The following CACNA1E variants were observed in gnomAD, a reference collection of about 807,000 sequenced individuals.
CACNA1E encodes calcium voltage-gated channel subunit alpha1 E.
A neutral mutation model predicts 259.2 loss-of-function variants in CACNA1E; 40 were observed. The observed-to-expected ratio is 0.15, with a 90% confidence interval of 0.12 to 0.20. The LOEUF is 0.20. Ranked by LOEUF, CACNA1E falls within the 10% of genes least tolerant of loss-of-function variation. The pLI, the probability that CACNA1E is intolerant of heterozygous loss-of-function variation, is 1.00. For missense variants in CACNA1E, 1,874 were observed against 3,040.1 expected (o/e 0.62, Z 9.02); for synonymous variants, 1,104 against 1,138.5 (o/e 0.97, Z 0.61).
chr1:181,360,365 G>C (rs1010219182), intron 1 of CACNA1E, among the ~76,000 whole-genome samples: 1 of 152,130 alleles, frequency 6.6e-6, no homozygotes, highest in Non-Finnish European at 1.5e-5. Context: ...ATTAGCTGAT[G>C]AATGGATAAA....
In CACNA1E at chr1:181,797,488, C is replaced by T. The variant is rs147753885; in HGVS notation, c.6399+630C>T. ...GAAAAGGCAGGGCTGCTAATGCAAA[C>T]CTTTAGAGACACAGCAGTCGAGAGG... On this transcript the variant is annotated intron_variant, in intron 47 of 47. Coordinates refer to ENST00000367573, the MANE Select transcript of CACNA1E (RefSeq NM_001205293.3). Among the ~76,000 whole-genome samples the T allele has an allele frequency of 5.4e-3, 827 of 152,296 alleles. 16 individuals carry two copies. Among genetic ancestry groups the T allele is most frequent in the African/African-American group, 0.019 (792 of 41,568 alleles).
At chr1:181,580,828 A>G in intron 6 of CACNA1E, 52 bp downstream of exon 6, 1 of 1,561,526 alleles carries the variant, frequency 6.4e-7, no homozygotes, top group South Asian at 1.1e-5. Flanking sequence ...CCCTGGATGG[A>G]GGCTTCTGTG....
chr1:181,333,416 T>C (rs370712581), intron 1 of CACNA1E, among the ~76,000 whole-genome samples: 1 of 152,240 alleles, frequency 6.6e-6, no homozygotes, highest in Non-Finnish European at 1.5e-5. Context: ...TATTTTAGTC[T>C]GTGGGCCATG....
chr1:181,590,401 C>CAAAAA (rs397861970), intron 6 of CACNA1E, among the ~76,000 whole-genome samples: 1 of 118,634 alleles, frequency 8.4e-6, no homozygotes, highest in African/African-American at 3.2e-5. Context: ...GAGTCAATTA[C>CAAAAA]AAAAAAAAAA....
At chr1:181,413,070 G>C (rs1250231360) in intron 1 of CACNA1E, 1 of 153,284 alleles carries the variant, frequency 6.5e-6, no homozygotes, top group Admixed American at 6.5e-5. Context: ...CTGTGACCTT[G>C]GCCCCATTCT....
At chr1:181,457,635 G>T (rs2102360004) in intron 2 of CACNA1E, among the ~76,000 whole-genome samples, 1 of 152,362 alleles carries the variant, frequency 6.6e-6, no homozygotes, top group South Asian at 2.1e-4. Flanking sequence ...GGCAGCCATA[G>T]CTTCTCCCTA....
intron 6 of CACNA1E, among the ~76,000 whole-genome samples, chr1:181,621,947 C>T (rs1247535532): frequency 6.6e-6 from 1 of 152,126 alleles, no homozygotes; most frequent in Non-Finnish European, 1.5e-5. Flanking sequence ...TGAGTGCATC[C>T]CTTCCTCAAG....
intron 6 of CACNA1E, among the ~76,000 whole-genome samples, chr1:181,613,267 A>T (rs1191203590): frequency 6.6e-6 from 1 of 152,186 alleles, no homozygotes; most frequent in African/African-American, 2.4e-5. Context: ...CATGAGGGCT[A>T]GGAGTGCTGA....
chr1:181,717,966 TGA>T, intron 11 of CACNA1E, 87 bp from the exon 12 acceptor site: 1 of 667,610 alleles, frequency 1.5e-6, no homozygotes, highest in Non-Finnish European at 2.7e-6. Context: ...TGTGTTGTTG[TGA>T]GATCCTCTGT....
chr1:181,379,677 G>A (rs1004230117), intron 1 of CACNA1E, among the ~76,000 whole-genome samples: 16 of 152,190 alleles, frequency 1.1e-4, no homozygotes, highest in Non-Finnish European at 2.9e-5. Flanking sequence ...TTATAAGAGG[G>A]CTAATCCCAA....
At chr1:181,368,306 G>A (rs947332861) in intron 1 of CACNA1E, among the ~76,000 whole-genome samples, 17 of 150,648 alleles carry the variant, frequency 1.1e-4, no homozygotes, top group South Asian at 2.1e-4. Flanking sequence ...AAAATACATC[G>A]CAAATCTACC....
At chr1:181,443,581 G>A (rs1361380900) in intron 2 of CACNA1E, among the ~76,000 whole-genome samples, 1 of 152,190 alleles carries the variant, frequency 6.6e-6, no homozygotes, top group East Asian at 1.9e-4. Context: ...CCTGCTGCAG[G>A]CAGGACCACA....
chr1:181,353,460 CTT>C (rs558432468), intron 1 of CACNA1E, among the ~76,000 whole-genome samples: 10 of 152,180 alleles, frequency 6.6e-5, no homozygotes, highest in Non-Finnish European at 1.2e-4. Context: ...TGAAAGATAA[CTT>C]GGGTTTAGCC....
chr1:181,470,155 CTTGAT>C (rs1466609001), intron 2 of CACNA1E, among the ~76,000 whole-genome samples: 3 of 151,468 alleles, frequency 2.0e-5, no homozygotes, highest in East Asian at 3.9e-4. Context: ...GAGCGAGCTG[CTTGAT>C]TTATTTTAAT....
At chr1:181,752,946 A>G (rs775533795) in intron 27 of CACNA1E, among the ~76,000 whole-genome samples, 1 of 152,170 alleles carries the variant, frequency 6.6e-6, no homozygotes, top group Non-Finnish European at 1.5e-5. Flanking sequence ...CAATTCTGCT[A>G]GACTGTTGAA....
At chr1:181,504,159 A>G (rs1665502455) in intron 1 of CACNA1E, among the ~76,000 whole-genome samples, 2 of 152,298 alleles carry the variant, frequency 1.3e-5, no homozygotes, top group African/African-American at 4.8e-5. Flanking sequence ...TTAGACATCC[A>G]AAAACATGAG....
intron 3 of CACNA1E, among the ~76,000 whole-genome samples, chr1:181,530,227 T>C (rs1667678866): frequency 6.6e-6 from 1 of 152,182 alleles, no homozygotes; most frequent in South Asian, 2.1e-4. Context: ...TGTTAAGAAG[T>C]GCCTTTCACC....
In CACNA1E at chr1:181,765,682, C is replaced by T. The variant is rs572955659; in HGVS notation, c.4816-864C>T. On this transcript the variant is annotated intron_variant, in intron 34 of 47. Coordinates refer to ENST00000367573, the MANE Select transcript of CACNA1E (RefSeq NM_001205293.3). Reference sequence around the variant, plus strand: ...CAATCAAGACAGGGTGGAGACTCCTCGTAGCACTGTCTGCCAGGGAGCTTA... The same window carrying T: ...CAATCAAGACAGGGTGGAGACTCCTTGTAGCACTGTCTGCCAGGGAGCTTA... Among the ~76,000 whole-genome samples the T allele has an allele frequency of 7.2e-5, 11 of 152,306 alleles. No individual in the cohort carries two copies. The East Asian group carries it at 1.2e-3, about 16-fold the overall frequency.
Position 181,380,255 on chromosome 1 carries a change from A to G in CACNA1E, c.-14-32878A>G, listed in dbSNP as rs989234815. Among the ~76,000 whole-genome samples the G allele has an allele frequency of 3.3e-5, 5 of 152,002 alleles. No homozygotes were observed. In the East Asian group the frequency reaches 9.6e-4, roughly 29 times the overall value. ...CCCAACTACATCCTGCCTACAAGAA[A>G]CATACTGCAAATAATAAAGACACAA... is the stretch of plus-strand genomic sequence containing the variant. On this transcript the variant is annotated intron_variant, in intron 1 of 11. Transcript: ENST00000524607.
Sources: gnomAD v4.1 joint callset for allele counts (sites outside exome capture counted in the v4.1 genomes callset) on GRCh38, gnomAD v4.1.1 for gene constraint, MANE v1.5 for transcripts, NCBI Gene and HGNC (gene_info 2026-07-23, HGNC 2026-07-21) for gene names.